PKIB: variants seen among roughly 807,000 people sequenced by gnomAD.
PKIB encodes the protein cAMP-dependent protein kinase inhibitor beta.
Under a neutral mutation model 4.5 loss-of-function variants are expected in PKIB, and 2 were observed. The observed-to-expected ratio is 0.44, with a 90% CI of 0.18 to 1.39. The LOEUF (loss-of-function observed/expected upper bound fraction) is 1.39, where lower values mean the gene tolerates loss of function less well. Among genes scored for constraint, PKIB ranks in the 40% most tolerant of loss-of-function variants. The pLI is 0.27. For missense variants in PKIB, 94 were observed against 92.6 expected, an observed-to-expected ratio of 1.02 and a Z score of -0.06; for synonymous variants, 38 against 36.0, an observed-to-expected ratio of 1.06 and a Z score of -0.20.
intron 2 of PKIB, among the ~76,000 whole-genome samples, chr6:122,490,408 G>T (rs549962304): frequency 1.3e-5 from 2 of 152,152 alleles, no homozygotes; most frequent in Non-Finnish European, 2.9e-5. Flanking sequence ...TTATGGTTTG[G>T]ATGTTTACCT....
At chr6:122,597,606 C>T (rs1816321) in intron 3 of PKIB, among the ~76,000 whole-genome samples, 28,914 of 152,162 alleles carry the variant, frequency 0.19, 3,453 homozygotes, top group Non-Finnish European at 0.27. Context: ...ATCACCACAC[C>T]TGTGTCTTTC....
chr6:122,591,819 G>A (rs981761697), intron 3 of PKIB, among the ~76,000 whole-genome samples: 6 of 151,418 alleles, frequency 4.0e-5, no homozygotes, highest in African/African-American at 1.2e-4. Context: ...TTAAGCAATC[G>A]TCCCTCTTCA....
chr6:122,574,457 A>G (rs890525145), intron 2 of PKIB, among the ~76,000 whole-genome samples: 8 of 152,194 alleles, frequency 5.3e-5, no homozygotes, highest in African/African-American at 1.9e-4. Flanking sequence ...AGCCAAAGCA[A>G]TACTAAGCAA....
intron 1 of PKIB, among the ~76,000 whole-genome samples, chr6:122,616,194 G>C (rs1192732874): frequency 2.6e-5 from 4 of 152,204 alleles, no homozygotes; most frequent in African/African-American, 9.6e-5. Flanking sequence ...CAGAGCCCAA[G>C]AGGAGAAGCT....
At chr6:122,564,365 C>T (rs1281236203) in intron 2 of PKIB, among the ~76,000 whole-genome samples, 3 of 152,128 alleles carry the variant, frequency 2.0e-5, no homozygotes, top group Non-Finnish European at 2.9e-5. Flanking sequence ...TCATGATGAT[C>T]CTAGAATTCC....
rs192428074 is a variant in PKIB at position 122,668,681 on chromosome 6, G to A, written c.-75-6397G>A. Among the ~76,000 whole-genome samples, 80 of 152,284 alleles carry A rather than the reference G, an allele frequency of 5.3e-4. 1 individual carries two copies. The highest frequency in any genetic ancestry group is 1.5e-3 in the African/African-American group (62 of 41,560). On this transcript the variant is annotated intron_variant, in intron 2 of 4. Transcript: ENST00000368452. ...CAGGTGGGGAAGAAGAACCGTTGGA[G>A]GGCCTAGTATAACATTGCCTGAATG...
chr6:122,666,479 T>C (rs1777223466), intron 2 of PKIB, among the ~76,000 whole-genome samples: 1 of 152,234 alleles, frequency 6.6e-6, no homozygotes, highest in Admixed American at 6.5e-5. Context: ...TTGTTTTTGT[T>C]TTTGTTTTTG....
chr6:122,565,516 T>A (rs1773161661), intron 2 of PKIB, among the ~76,000 whole-genome samples: 1 of 152,248 alleles, frequency 6.6e-6, no homozygotes, highest in Non-Finnish European at 1.5e-5. Flanking sequence ...CTGGCTAAGA[T>A]ATTCCAGTAT....
intron 2 of PKIB, among the ~76,000 whole-genome samples, chr6:122,671,782 G>T (rs1163301693): frequency 6.6e-6 from 1 of 151,794 alleles, no homozygotes; most frequent in East Asian, 1.9e-4. Flanking sequence ...TGAGCTTTTG[G>T]GCACCCCCTG....
intron 2 of PKIB, among the ~76,000 whole-genome samples, chr6:122,653,427 G>A (rs756316440): frequency 5.5e-4 from 83 of 151,980 alleles, no homozygotes; most frequent in Non-Finnish European, 1.0e-3. Flanking sequence ...GCGACCAAGA[G>A]GAAAGACATA....
At chr6:122,542,649 G>C (rs1451093026) in intron 2 of PKIB, among the ~76,000 whole-genome samples, 2 of 152,128 alleles carry the variant, frequency 1.3e-5, no homozygotes, top group Non-Finnish European at 2.9e-5. Context: ...CTCCCAGTTA[G>C]GCTGCTCGGG....
chr6:122,571,992 G>C (rs1189861890), intron 2 of PKIB, among the ~76,000 whole-genome samples: 1 of 152,062 alleles, frequency 6.6e-6, no homozygotes, highest in Non-Finnish European at 1.5e-5. Flanking sequence ...GTCTTCAAGA[G>C]GCCCATCTAA....
chr6:122,538,460 G>C (rs1307455850), intron 2 of PKIB, among the ~76,000 whole-genome samples: 1 of 151,982 alleles, frequency 6.6e-6, no homozygotes, highest in African/African-American at 2.4e-5. Flanking sequence ...TCTTGTTTTT[G>C]TCAGGTTTGT....
chr6:122,483,509 G>T (rs977236878), intron 2 of PKIB: 5 of 150,840 alleles, frequency 3.3e-5, no homozygotes, highest in East Asian at 3.9e-4. Flanking sequence ...ATTGACAAAA[G>T]GCAGAAAAAT....
At chr6:122,575,945 G>T (rs574323503) in intron 2 of PKIB, among the ~76,000 whole-genome samples, 1 of 152,192 alleles carries the variant, frequency 6.6e-6, no homozygotes, top group Admixed American at 6.5e-5. Context: ...CAACATGAAT[G>T]AATCTCAAAA....
At chr6:122,515,714 GTTGT>G (rs778018350) in intron 2 of PKIB, among the ~76,000 whole-genome samples, 23 of 152,184 alleles carry the variant, frequency 1.5e-4, no homozygotes, top group East Asian at 3.9e-4. Context: ...TTCTTCATGA[GTTGT>G]TTGTTTGTTT....
At chr6:122,662,229 T>TTGTGCTTTG (rs1287650557) in intron 2 of PKIB, among the ~76,000 whole-genome samples, 1 of 151,282 alleles carries the variant, frequency 6.6e-6, no homozygotes, top group Non-Finnish European at 1.5e-5. Flanking sequence ...TTTTTGTCAC[T>TTGTGCTTTG]TGTGCTTTGG....
Position 122,489,321 on chromosome 6 carries a change from C to T in PKIB, c.-248+11382C>T, listed in dbSNP as rs563567287. Among the ~76,000 whole-genome samples the T allele has an allele frequency of 2.6e-5, 4 of 152,082 alleles. No homozygotes were observed. In the East Asian group the frequency reaches 5.8e-4, roughly 22 times the overall value. ...GGAGTGCAGTGGTACAGTCTCAGCT[C>T]ACTTCAACCTCTGCCTCCCAGGTTC... On this transcript the variant is annotated intron_variant, in intron 2 of 6. Transcript: ENST00000392491.
intron 1 of PKIB, among the ~76,000 whole-genome samples, chr6:122,615,212 A>T (rs909347693): frequency 3.3e-5 from 5 of 152,128 alleles, no homozygotes; most frequent in East Asian, 1.9e-4. Flanking sequence ...AAAAATTTTT[A>T]AATATGTCTT....
Sources: gnomAD v4.1 joint callset for allele counts (sites outside exome capture counted in the v4.1 genomes callset) on GRCh38, gnomAD v4.1.1 for gene constraint, MANE v1.5 for transcripts, NCBI Gene and HGNC (gene_info 2026-07-23, HGNC 2026-07-21) for gene names.